WDR48: variants seen among roughly 807,000 people sequenced by gnomAD.
WDR48 encodes WD repeat domain 48, also known as WD repeat-containing protein 48.
In WDR48, 22 loss-of-function variants were observed where a neutral mutation model predicts 94.0. That is an observed-to-expected ratio of 0.23 (90% CI 0.17 to 0.33). WDR48 has a LOEUF of 0.33. Ranked by LOEUF, WDR48 falls within the 10% of genes least tolerant of loss-of-function variation. The pLI, the probability that WDR48 is intolerant of heterozygous loss-of-function variation, is 1.00. For missense variants in WDR48, 541 were observed against 813.8 expected (o/e 0.66, Z 4.08); for synonymous variants, 278 against 280.5 (o/e 0.99, Z 0.09).
chr3:39,076,223 T>A (rs2034216303), intron 8 of WDR48, among the ~76,000 whole-genome samples: 1 of 152,186 alleles, frequency 6.6e-6, no homozygotes, highest in Admixed American at 6.5e-5. Flanking sequence ...CAGACAAAAC[T>A]GGCCAAGTAC....
chr3:39,080,496 C>G (rs1451546587), intron 11 of WDR48, among the ~76,000 whole-genome samples: 1 of 152,238 alleles, frequency 6.6e-6, no homozygotes, highest in Non-Finnish European at 1.5e-5. Context: ...ATCATTCTCA[C>G]AAGTCTCTCT....
rs1559604337 is a variant in WDR48, at chr3:39,066,754, A to C, written c.360A>C (p.Val120=). 1.2e-6 allele frequency: 2 copies of C among 1,614,014 alleles called. No individual in the cohort carries two copies. The highest frequency in any genetic ancestry group is 2.2e-5 in the South Asian group (2 of 91,078). Residue 120 remains valine, a synonymous_variant, in exon 5 of 19, where the codon GTA becomes GTC. Transcript: ENST00000302313. ...MSTLRTHKDY[V]KALAYAKDKE... is the part of the protein sequence containing the mutation. ...TGTCTGTTCTATTACAGGATTACGT[A>C]AAGGCCTTAGCATATGCCAAGGATA...
At chr3:39,062,514 TTTA>T (rs776563309) in intron 1 of WDR48, among the ~76,000 whole-genome samples, 1 of 152,130 alleles carries the variant, frequency 6.6e-6, no homozygotes, top group Non-Finnish European at 1.5e-5. Flanking sequence ...GGAAGTATTG[TTTA>T]AATGGAAACC....
intron 1 of WDR48, among the ~76,000 whole-genome samples, chr3:39,056,674 C>A (rs764847436): frequency 6.6e-5 from 10 of 152,188 alleles, no homozygotes; most frequent in Admixed American, 2.0e-4. Flanking sequence ...CTTTCAAGAG[C>A]TGAGAGAATT....
intron 9 of WDR48, 117 bp downstream of exon 9, chr3:39,077,330 G>C (rs754968070): frequency 5.7e-6 from 6 of 1,049,526 alleles, no homozygotes; most frequent in Non-Finnish European, 8.4e-6. Flanking sequence ...TTTTGGGCAG[G>C]GGCAAAAACC....
At chr3:39,086,883 C>A (rs1270939794) in intron 14 of WDR48, among the ~76,000 whole-genome samples, 1 of 152,148 alleles carries the variant, frequency 6.6e-6, no homozygotes, top group South Asian at 2.1e-4. Flanking sequence ...TAGGGCAGGG[C>A]ATGGCTACTT....
At position 39,067,899 on chromosome 3, in the gene WDR48, G is replaced by A. The variant is rs150013169; in HGVS notation, c.482-872G>A. Among the ~76,000 whole-genome samples the A allele has an allele frequency of 4.1e-3, 623 of 151,684 alleles. 9 individuals are homozygous for A. Among genetic ancestry groups the A allele is most frequent in the African/African-American group, 0.014 (591 of 41,346 alleles). On this transcript the variant is annotated intron_variant, in intron 5 of 18. Transcript: ENST00000302313. ...TACATTATCTCTGATTCATTAGCTG[G>A]TCCCTGTTGGGGCTGTCATGGTACA... is the stretch of plus-strand genomic sequence containing the variant.
At chr3:39,094,305 G>A (rs2035231377) in intron 18 of WDR48, 1 of 1,423,302 alleles carries the variant, frequency 7.0e-7, no homozygotes, top group Admixed American at 2.9e-5. Flanking sequence ...AAAGACACAT[G>A]GTCTTCTTGA....
In WDR48 at chr3:39,094,207, A is replaced by G. The variant is rs1215088720; in HGVS notation, c.1938+141A>G. 2.7e-6 allele frequency: 4 copies of G among 1,455,574 alleles called. No individual in the cohort carries two copies. The East Asian group carries it at 1.0e-4, about 36-fold the overall frequency. The allele number at this position is 1,455,574 out of a possible 1,614,324, so 90.2% of individuals were successfully genotyped here. A position where few individuals can be genotyped will look rare whatever the true frequency, so the allele number is the denominator to read the frequency against. On this transcript the variant is annotated intron_variant, in intron 18 of 18. Coordinates refer to ENST00000302313, the MANE Select transcript of WDR48 (RefSeq NM_020839.4). ...CTCTCCTACCTAAAGCCCACCCTAA[A>G]GCTCCTCTTTACTGCTGGGGAGATT...
chr3:39,069,795 G>T lies in WDR48; in HGVS notation c.672+51G>T, dbSNP rs190678441. On this transcript the variant is annotated intron_variant, in intron 7 of 18. Transcript: ENST00000302313. ...CCTAATAACCTTGTTAGAAATTTCC[G>T]CACTTTGTATACTATTGCATAGGTT... 4 of 1,509,296 alleles carry T rather than the reference G, an allele frequency of 2.7e-6. No individual in the cohort carries two copies. In the Admixed American group the frequency reaches 5.3e-5, roughly 20 times the overall value. The allele number at this position is 1,509,296 out of a possible 1,614,324, so 93.5% of individuals were successfully genotyped here.
chr3:39,060,434 A>G (rs1385910540), intron 1 of WDR48, among the ~76,000 whole-genome samples: 2 of 147,572 alleles, frequency 1.4e-5, no homozygotes, highest in South Asian at 2.1e-4. Flanking sequence ...ATATATATAT[A>G]TATGCACACA....
intron 11 of WDR48, among the ~76,000 whole-genome samples, chr3:39,080,698 T>G: frequency 6.6e-6 from 1 of 152,276 alleles, no homozygotes; most frequent in East Asian, 1.9e-4. Flanking sequence ...CAGGATAGCT[T>G]ATGGATGAGG....
chr3:39,078,424 GT>G (rs2125667719), intron 10 of WDR48, among the ~76,000 whole-genome samples, 185 bp downstream of exon 10: 1 of 151,768 alleles, frequency 6.6e-6, no homozygotes, highest in African/African-American at 2.4e-5. Context: ...TTTTTGTTTT[GT>G]TTTGTTTTTT....
chr3:39,063,280 ATC>A lies in WDR48; in HGVS notation c.189+96_189+97del, dbSNP rs572799436. 6.1e-4 allele frequency: 903 copies of A among 1,483,558 alleles called. 4 individuals are homozygous for A. The highest frequency in any genetic ancestry group is 2.8e-3 in the South Asian group (222 of 78,680). 91.9% of individuals were successfully genotyped at this position (1,483,558 alleles called of 1,614,324 possible). ...GACACTTTTCACAGTTTCAGATTTA[ATC>A]TCTCTGAATGCTGAGTTATTTGGTA... On this transcript the variant is annotated intron_variant, in intron 2 of 18. Coordinates refer to ENST00000302313, the MANE Select transcript of WDR48 (RefSeq NM_020839.4).
intron 13 of WDR48, among the ~76,000 whole-genome samples, chr3:39,085,127 T>C (rs1312982073): frequency 6.6e-6 from 1 of 151,846 alleles, no homozygotes; most frequent in Non-Finnish European, 1.5e-5. Flanking sequence ...TTCGGGAGGC[T>C]GAGGCAGGAG....
At chr3:39,078,645 C>CT (rs1169385559) in intron 10 of WDR48, among the ~76,000 whole-genome samples, 4 of 152,002 alleles carry the variant, frequency 2.6e-5, no homozygotes, top group Admixed American at 1.3e-4. Flanking sequence ...TCTCAAACTC[C>CT]TGACCTCAAA....
rs568014594 is a variant in WDR48 at position 39,061,706 on chromosome 3, A to T, written c.49-1344A>T. 6.5e-4 allele frequency among the ~76,000 whole-genome samples: 99 copies of T among 152,048 alleles called. No individual in the cohort carries two copies. The South Asian group carries it at 0.018, about 28-fold the overall frequency. ...TTCCACAGTGGTTGAACTACTTTAC[A>T]CTCCCACCAACAGTGTAAAAGCATT... On this transcript the variant is annotated intron_variant, in intron 1 of 18. Coordinates refer to ENST00000302313, the MANE Select transcript of WDR48 (RefSeq NM_020839.4).
At chr3:39,079,098 A>G (rs2034392512) in intron 10 of WDR48, among the ~76,000 whole-genome samples, 2 of 152,218 alleles carry the variant, frequency 1.3e-5, no homozygotes, top group Admixed American at 6.5e-5. Flanking sequence ...TTATTTGCCT[A>G]ACATCAGAAT....
At position 39,079,688 on chromosome 3, in the gene WDR48, A is replaced by G. The variant is rs376378648; in HGVS notation, c.1076-23A>G. On this transcript the variant is annotated intron_variant, in intron 10 of 18. Coordinates refer to ENST00000302313, the MANE Select transcript of WDR48 (RefSeq NM_020839.4). ...TAAATGTAGAAAGATTGTTTTACCA[A>G]TTGTGTTTTTTTTTCCCATTAGGGG... 32 of 1,461,880 alleles carry G rather than the reference A, an allele frequency of 2.2e-5. No individual in the cohort carries two copies. In the East Asian group the frequency reaches 3.9e-4, roughly 18 times the overall value. 90.6% of individuals were successfully genotyped at this position (1,461,880 alleles called of 1,614,324 possible).
Sources: gnomAD v4.1 joint callset for allele counts (sites outside exome capture counted in the v4.1 genomes callset) on GRCh38, gnomAD v4.1.1 for gene constraint, MANE v1.5 for transcripts, NCBI Gene and HGNC (gene_info 2026-07-23, HGNC 2026-07-21) for gene names.